The following PPP4R3B variants were observed in gnomAD, a reference collection of about 807,000 sequenced individuals.
The protein encoded by PPP4R3B is protein phosphatase 4 regulatory subunit 3B, also known as serine/threonine-protein phosphatase 4 regulatory subunit 3B.
Under a neutral mutation model 95.4 loss-of-function variants are expected in PPP4R3B, and 52 were observed. The ratio of observed to expected loss-of-function variants is 0.54; its 90% confidence interval spans 0.44 to 0.69. The LOEUF is 0.69. Ranked by LOEUF, PPP4R3B falls within the 30% of genes least tolerant of loss-of-function variation. The pLI is 0.00. For synonymous variants in PPP4R3B, 407 were observed against 343.9 expected (o/e 1.18, Z -2.03); for missense variants, 1,003 against 1,005.9 (o/e 1.00, Z 0.04).
chr2:55,604,370 C>G (rs895644103), intron 2 of PPP4R3B, among the ~76,000 whole-genome samples: 6 of 152,168 alleles, frequency 3.9e-5, no homozygotes, highest in Admixed American at 3.3e-4. Context: ...TTGGCCAAAA[C>G]TATAACAAAG....
At chr2:55,616,629 C>T (rs1694969416) in intron 1 of PPP4R3B, 1 of 152,262 alleles carries the variant, frequency 6.6e-6, no homozygotes, top group South Asian at 2.1e-4. Context: ...CTTGTGTGTC[C>T]ATGTATCGTG....
At chr2:55,590,440 T>G (rs1175516793) in intron 4 of PPP4R3B, among the ~76,000 whole-genome samples, 1 of 152,170 alleles carries the variant, frequency 6.6e-6, no homozygotes, top group Admixed American at 6.5e-5. Flanking sequence ...TGATTTTCTT[T>G]TTTGGTTATC....
intron 12 of PPP4R3B, among the ~76,000 whole-genome samples, chr2:55,571,745 C>A (rs1485648878): frequency 2.0e-5 from 3 of 152,202 alleles, no homozygotes; most frequent in Admixed American, 2.0e-4. Context: ...CCTGCCTCAG[C>A]TTCCTGAGTA....
Position 55,549,961 on chromosome 2 carries a change from C to T in PPP4R3B, c.2500G>A (p.Asp834Asn), listed in dbSNP as rs374278198. 4 of 1,613,324 alleles carry T rather than the reference C, an allele frequency of 2.5e-6. No homozygotes were observed. Among genetic ancestry groups the T allele is most frequent in the Non-Finnish European group, 3.4e-6 (4 of 1,179,838 alleles). Residue 834 changes from aspartate to asparagine, a missense_variant, in exon 17 of 17, where the codon GAT (aspartate) becomes AAT (asparagine). Around this residue, in one of 3 missense-constraint regions of PPP4R3B, gnomAD observed 229 missense variants for 194.7 expected, o/e 1.18. Transcript: ENST00000616407. ...CTGGGGGACGATTCTTCTTCTTCAT[C>T]TTCCTCTTCATCATCTGGATAATCC... ...LVDYPDDEEE[D>N]EEEESSPRKR...
intron 3 of PPP4R3B, among the ~76,000 whole-genome samples, chr2:55,601,204 T>C (rs1183681799): frequency 1.3e-5 from 2 of 150,860 alleles, no homozygotes; most frequent in East Asian, 1.9e-4. Flanking sequence ...GGGATGACAT[T>C]GTCTCTTAGC....
chr2:55,561,320 A>G (rs1686588623), intron 15 of PPP4R3B, among the ~76,000 whole-genome samples: 1 of 152,200 alleles, frequency 6.6e-6, no homozygotes, highest in South Asian at 2.1e-4. Flanking sequence ...ATCTAGGCAG[A>G]AATCTGCTGC....
chr2:55,591,154 T>C (rs1291124107), intron 4 of PPP4R3B, among the ~76,000 whole-genome samples: 2 of 152,052 alleles, frequency 1.3e-5, no homozygotes, highest in African/African-American at 4.8e-5. Flanking sequence ...CTTTTTTTTT[T>C]TTTCTAGAGT....
chr2:55,593,421 G>A (rs1422502991), intron 4 of PPP4R3B, among the ~76,000 whole-genome samples: 1 of 151,922 alleles, frequency 6.6e-6, no homozygotes, highest in Non-Finnish European at 1.5e-5. Flanking sequence ...ACCTCACTTC[G>A]GCCCAGTTAC....
chr2:55,617,058 C>T (rs1003876136), intron 1 of PPP4R3B, 86 bp downstream of exon 1: 3 of 1,464,122 alleles, frequency 2.0e-6, no homozygotes, highest in African/African-American at 2.8e-5. Flanking sequence ...GAAGGAGTAG[C>T]AACGGTAACG....
At chr2:55,573,366 A>G (rs1251416345) in intron 12 of PPP4R3B, among the ~76,000 whole-genome samples, 2 of 152,198 alleles carry the variant, frequency 1.3e-5, no homozygotes, top group Non-Finnish European at 2.9e-5. Context: ...TGGTTCTGTT[A>G]GTAAAATGCT....
chr2:55,610,161 C>A (rs1253664892), intron 2 of PPP4R3B, among the ~76,000 whole-genome samples: 1 of 152,140 alleles, frequency 6.6e-6, no homozygotes, highest in African/African-American at 2.4e-5. Context: ...CCAGCACTTT[C>A]TGGAAAATAT....
chr2:55,614,697 T>C (rs1299864666), intron 2 of PPP4R3B: 1 of 152,220 alleles, frequency 6.6e-6, no homozygotes, highest in Non-Finnish European at 1.5e-5. Context: ...CTATCCATAA[T>C]GTTCAATATT....
intron 5 of PPP4R3B, among the ~76,000 whole-genome samples, chr2:55,587,302 G>T (rs1271834289): frequency 6.6e-6 from 1 of 152,236 alleles, no homozygotes; most frequent in East Asian, 1.9e-4. Context: ...GATGACATCT[G>T]GCGGGGCACA....
intron 16 of PPP4R3B, among the ~76,000 whole-genome samples, chr2:55,558,189 C>T (rs899652013): frequency 5.3e-5 from 8 of 152,088 alleles, no homozygotes; most frequent in African/African-American, 1.9e-4. Flanking sequence ...ATGAATTTGA[C>T]CGTATGTGTG....
At chr2:55,574,419 T>C (rs955692007) in intron 11 of PPP4R3B, among the ~76,000 whole-genome samples, 2 of 151,996 alleles carry the variant, frequency 1.3e-5, no homozygotes, top group African/African-American at 4.8e-5. Flanking sequence ...AAATGCTATA[T>C]TATTAATATT....
chr2:55,594,129 G>A (rs1190133331), intron 4 of PPP4R3B, among the ~76,000 whole-genome samples: 2 of 152,010 alleles, frequency 1.3e-5, no homozygotes, highest in Admixed American at 6.6e-5. Context: ...GGAAATAACA[G>A]ACACTGGGAA....
At chr2:55,568,981 T>C (rs975306578) in intron 12 of PPP4R3B, among the ~76,000 whole-genome samples, 2 of 152,184 alleles carry the variant, frequency 1.3e-5, no homozygotes, top group Admixed American at 6.5e-5. Context: ...TAATAAAATA[T>C]ATAAAATAAG....
chr2:55,593,072 C>T (rs1691261932), intron 4 of PPP4R3B, among the ~76,000 whole-genome samples: 2 of 152,176 alleles, frequency 1.3e-5, no homozygotes, highest in African/African-American at 4.8e-5. Context: ...GCTTGAGAAT[C>T]ACTTTAACCT....
In PPP4R3B at chr2:55,598,984, T is replaced by A; in HGVS notation, c.353A>T (p.Glu118Val). Residue 118 changes from glutamate (E) to valine (V), a missense_variant, in exon 4 of 17, where the codon GAA (glutamate) becomes GTA (valine). Physicochemically the swap from Glu to Val is moderately radical, Grantham distance 121 (BLOSUM62 -2). This residue lies in a region of PPP4R3B where 695 missense variants were observed against 686.2 expected (regional missense o/e 1.01). Transcript: ENST00000616407. ...AGGCATTTCTTCAAATCGTTCTTCT[T>A]CAGATTCATCAATGAGGTCCTGTGT... ...EVTQDLIDES[E>V]EERFEEMPET... The A allele has an allele frequency of 1.2e-6, 2 of 1,614,052 alleles. No individual in the cohort carries two copies. Among genetic ancestry groups the A allele is most frequent in the Non-Finnish European group, 1.7e-6 (2 of 1,179,996 alleles).
Sources: allele counts gnomAD v4.1 joint callset (sites outside exome capture counted in the v4.1 genomes callset), GRCh38; gene constraint gnomAD v4.1.1; regional missense constraint gnomAD v4.1.1; transcripts MANE v1.5; gene names NCBI Gene and HGNC (gene_info 2026-07-23, HGNC 2026-07-21).